Variants in OPRM1 observed in about 807,000 individuals in gnomAD.
OPRM1 encodes mu-type opioid receptor.
A neutral mutation model predicts 31.8 loss-of-function variants in OPRM1; 27 were observed. That is an observed-to-expected ratio of 0.85 (90% CI 0.63 to 1.17). The LOEUF is 1.17. OPRM1 is among the 50% of genes most tolerant of loss of function. The pLI is 0.00. For missense variants in OPRM1, 536 were observed against 511.1 expected, an observed-to-expected ratio of 1.05 and a Z score of -0.47; for synonymous variants, 196 against 189.9, an observed-to-expected ratio of 1.03 and a Z score of -0.26.
At chr6:154,117,640 T>C (rs1223419701) in intron 3 of OPRM1, among the ~76,000 whole-genome samples, 1 of 152,176 alleles carries the variant, frequency 6.6e-6, no homozygotes, top group African/African-American at 2.4e-5. Flanking sequence ...TGCTCGCCTG[T>C]GCTTTCTTAA....
At chr6:154,212,888 A>C in intron 3 of OPRM1, 1 of 1,424,502 alleles carries the variant, frequency 7.0e-7, no homozygotes, top group South Asian at 1.2e-5. Flanking sequence ...TAATGTTTTA[A>C]CGCTGTCATC....
At chr6:154,079,093 C>T (rs1006650747) in intron 1 of OPRM1, among the ~76,000 whole-genome samples, 1 of 152,118 alleles carries the variant, frequency 6.6e-6, no homozygotes, top group Non-Finnish European at 1.5e-5. Flanking sequence ...CCTGCCTTTA[C>T]CAACTGATCA....
intron 1 of OPRM1, chr6:154,087,733 C>A: frequency 3.8e-6 from 1 of 261,356 alleles, no homozygotes; most frequent in Non-Finnish European, 6.0e-6. Context: ...CAGCCTATCC[C>A]AAAGCACCTG....
intron 1 of OPRM1, among the ~76,000 whole-genome samples, chr6:154,014,687 A>G (rs1283651286): frequency 1.3e-5 from 2 of 152,284 alleles, no homozygotes; most frequent in Non-Finnish European, 2.9e-5. Flanking sequence ...TATGTGGTAT[A>G]TGCATTTCTA....
exon 1 of OPRM1, chr6:154,011,004 A>G: frequency 2.3e-6 from 3 of 1,291,232 alleles, no homozygotes; most frequent in Non-Finnish European, 3.0e-6. Context: ...CAATGCTGAA[A>G]TAGCATGGTC....
chr6:154,214,100 G>T (rs1778188951), intron 3 of OPRM1: 1 of 721,476 alleles, frequency 1.4e-6, no homozygotes, highest in Non-Finnish European at 2.5e-6. Context: ...CATCTTAAAT[G>T]CCAAAGCATG....
intron 3 of OPRM1, among the ~76,000 whole-genome samples, chr6:154,169,879 A>G (rs1799738422): frequency 1.3e-5 from 2 of 152,230 alleles, no homozygotes; most frequent in Non-Finnish European, 2.9e-5. Context: ...AGTATCAGAT[A>G]AGTAATCTCT....
At chr6:154,111,977 G>A (rs929290302) in intron 3 of OPRM1, among the ~76,000 whole-genome samples, 13 of 152,232 alleles carry the variant, frequency 8.5e-5, no homozygotes, top group African/African-American at 1.7e-4. Context: ...GTGTTAGCCA[G>A]GATGGTCTCG....
chr6:154,199,615 T>C, intron 3 of OPRM1: 1 of 1,483,322 alleles, frequency 6.7e-7, no homozygotes, highest in Non-Finnish European at 9.0e-7. Flanking sequence ...TACAGTTCCA[T>C]ATACAAACAA....
intron 1 of OPRM1, among the ~76,000 whole-genome samples, chr6:154,081,280 G>C (rs1480674334): frequency 6.6e-6 from 1 of 152,190 alleles, no homozygotes; most frequent in Non-Finnish European, 1.5e-5. Flanking sequence ...GAGGCAGGCA[G>C]ATCACGAGGT....
At chr6:154,237,301 GA>G (rs1224371329) in intron 3 of OPRM1, among the ~76,000 whole-genome samples, 1 of 152,152 alleles carries the variant, frequency 6.6e-6, no homozygotes, top group Admixed American at 6.5e-5. Context: ...CTCCAGGGTG[GA>G]AAACGCTGTA....
chr6:154,034,112 G>T (rs1018149985), upstream of OPRM1, among the ~76,000 whole-genome samples: 2 of 152,196 alleles, frequency 1.3e-5, no homozygotes, highest in Non-Finnish European at 2.9e-5. Flanking sequence ...TTAAATCTGT[G>T]TATGATGAAA....
intron 3 of OPRM1, among the ~76,000 whole-genome samples, chr6:154,146,357 G>C (rs1045578899): frequency 2.0e-5 from 3 of 152,182 alleles, no homozygotes; most frequent in Admixed American, 6.5e-5. Flanking sequence ...CTGAGATCGT[G>C]CCACTGCACT....
At position 154,198,633 on chromosome 6, in the gene OPRM1, C is replaced by CAT. The variant is rs1258780002; in HGVS notation, c.1165-48059_1165-48058insTA. On this transcript the variant is annotated intron_variant, in intron 3 of 3. Coordinates refer to the OPRM1 transcript ENST00000337049. The stretch of plus-strand genomic sequence containing the variant: ...TTACATACTTTTAAAATATTACATA[C>CAT]ACACACACACACACACACACACACA... 2.0e-4 allele frequency among the ~76,000 whole-genome samples: 22 copies of CAT among 107,432 alleles called. 1 individual carries two copies. Among genetic ancestry groups the CAT allele is most frequent in the African/African-American group, 5.3e-4 (10 of 18,866 alleles). The allele number at this position is 107,432 out of a possible 152,430, so 70.5% of individuals were successfully genotyped here.
chr6:154,049,026 T>TA, intron 1 of OPRM1, among the ~76,000 whole-genome samples: 1 of 152,214 alleles, frequency 6.6e-6, no homozygotes, highest in Non-Finnish European at 1.5e-5. Flanking sequence ...CCTCTGATTA[T>TA]AAAATTTTCA....
chr6:154,244,016 T>C (rs1780814364), intron 3 of OPRM1, among the ~76,000 whole-genome samples: 1 of 152,208 alleles, frequency 6.6e-6, no homozygotes, highest in Non-Finnish European at 1.5e-5. Context: ...ATTAGGCTAC[T>C]GAGGAAGTGT....
chr6:154,101,744 G>A (rs2128504466), intron 3 of OPRM1, among the ~76,000 whole-genome samples: 1 of 152,168 alleles, frequency 6.6e-6, no homozygotes, highest in South Asian at 2.1e-4. Context: ...CTTACTAAAT[G>A]TAAAAGATGA....
At chr6:154,204,704 C>T (rs959717532) in intron 3 of OPRM1, among the ~76,000 whole-genome samples, 3 of 152,170 alleles carry the variant, frequency 2.0e-5, no homozygotes, top group African/African-American at 4.8e-5. Flanking sequence ...TAGTGGCTTC[C>T]TGCCTTATCA....
rs187684807 is a variant in OPRM1, at chr6:154,168,766, C to T, written c.1164+77294C>T. ...GATTACAGGCACCTGCCACCATGCC[C>T]GGCTCATTTTTATATTTTTAGTACA... On this transcript the variant is annotated intron_variant, in intron 3 of 3. Transcript: ENST00000337049. This position sits in a 1 kb window ranked among gnomAD's most constrained non-coding sequence, Gnocchi z 4.1. 8.6e-5 allele frequency among the ~76,000 whole-genome samples: 13 copies of T among 151,944 alleles called. No homozygotes were observed. Among genetic ancestry groups the T allele is most frequent in the East Asian group, 7.8e-4 (4 of 5,122 alleles).
Sources: gnomAD v4.1 joint callset for allele counts (sites outside exome capture counted in the v4.1 genomes callset) on GRCh38, gnomAD v4.1.1 for gene constraint, Gnocchi (gnomAD v3.1) non-coding constraint, MANE v1.5 for transcripts, NCBI Gene and HGNC (gene_info 2026-07-23, HGNC 2026-07-21) for gene names.